KLHDC1: variants seen among roughly 807,000 people sequenced by gnomAD.
The protein encoded by KLHDC1 is kelch domain-containing protein 1.
KLHDC1 carries 53 observed loss-of-function variants against 68.3 expected under a neutral mutation model. The ratio of observed to expected loss-of-function variants is 0.78; its 90% CI spans 0.62 to 0.98. The LOEUF is 0.98. Among genes scored for constraint, KLHDC1 ranks in the 50% least tolerant of loss-of-function variants. The pLI, the probability that KLHDC1 is intolerant of heterozygous loss-of-function variation, is 0.00. For synonymous variants in KLHDC1, 148 were observed against 159.0 expected (o/e 0.93, Z 0.52); for missense variants, 470 against 492.3 (o/e 0.95, Z 0.43).
chr14:49,740,107 C>G lies in KLHDC1; in HGVS notation c.906C>G (p.His302Gln). The change falls in exon 11 of 13, where the codon CAC (histidine) becomes CAG (glutamine). Residue 302 changes from histidine (H) to glutamine (Q), a missense_variant. Physicochemically the swap from His to Gln is conservative, Grantham distance 24. Transcript: ENST00000359332. ...TAATTTTCAATCATAGGTTATGGCA[C>G]ACAGCCTGTTTGGGAAAAGAAAATG... Reference protein sequence around the residue: ...HLPKTRPRLWHTACLGKENEI... With the variant: ...HLPKTRPRLWQTACLGKENEI... 8 of 1,607,138 alleles carry G rather than the reference C, an allele frequency of 5.0e-6. No homozygotes were observed. Among genetic ancestry groups the G allele is most frequent in the Non-Finnish European group, 6.8e-6 (8 of 1,174,128 alleles).
rs532650134 is a variant in KLHDC1, at chr14:49,711,696, C to T, written c.404+1315C>T. 2.6e-5 allele frequency among the ~76,000 whole-genome samples: 4 copies of T among 152,110 alleles called. No homozygotes were observed. The East Asian group carries it at 7.7e-4, about 29-fold the overall frequency. On this transcript the variant is annotated intron_variant, in intron 4 of 12. Coordinates refer to ENST00000359332, the MANE Select transcript of KLHDC1 (RefSeq NM_172193.3). ...TCCTCATATTTTCTGGCCATCAACTCTGTTATTTGAGTTCTTATATTTTTG... is the reference window on the plus strand; with the variant it reads ...TCCTCATATTTTCTGGCCATCAACTTTGTTATTTGAGTTCTTATATTTTTG...
At chr14:49,727,461 C>G (rs570308390) in intron 6 of KLHDC1, among the ~76,000 whole-genome samples, 2 of 152,244 alleles carry the variant, frequency 1.3e-5, no homozygotes, top group African/African-American at 4.8e-5. Flanking sequence ...CAGTTACATA[C>G]ATGTCTACTA....
At chr14:49,720,184 C>A (rs1256550871) in intron 4 of KLHDC1, among the ~76,000 whole-genome samples, 5 of 152,226 alleles carry the variant, frequency 3.3e-5, no homozygotes, top group South Asian at 2.1e-4. Context: ...TGGGGTTTCT[C>A]CATGTTGGTC....
intron 1 of KLHDC1, among the ~76,000 whole-genome samples, chr14:49,704,436 C>G (rs1887995004): frequency 7.2e-6 from 1 of 139,058 alleles, no homozygotes; most frequent in South Asian, 2.4e-4. Flanking sequence ...CTTTGTCGCC[C>G]CGGCTGGAGT....
intron 4 of KLHDC1, among the ~76,000 whole-genome samples, chr14:49,718,846 C>T (rs1888451425): frequency 2.4e-5 from 3 of 124,520 alleles, no homozygotes; most frequent in Non-Finnish European, 4.7e-5. Context: ...AGTGCAGTGG[C>T]GCGATCCTAG....
chr14:49,737,515 A>G (rs530382350), intron 10 of KLHDC1, among the ~76,000 whole-genome samples: 86 of 152,156 alleles, frequency 5.7e-4, no homozygotes, highest in Non-Finnish European at 1.1e-3. Flanking sequence ...TAATAAAATA[A>G]GTTATGATTT....
intron 10 of KLHDC1, among the ~76,000 whole-genome samples, chr14:49,738,871 G>A (rs1039378960): frequency 6.6e-6 from 1 of 152,154 alleles, no homozygotes; most frequent in South Asian, 2.1e-4. Flanking sequence ...AGCTTCCAAC[G>A]TGATGTCACT....
chr14:49,706,928 T>C (rs1888064903), intron 1 of KLHDC1, among the ~76,000 whole-genome samples: 1 of 152,068 alleles, frequency 6.6e-6, no homozygotes. Context: ...TCCCATTCTG[T>C]AGGTTGTCAT....
At chr14:49,744,860 T>C (rs8003355) in intron 12 of KLHDC1, among the ~76,000 whole-genome samples, 136,306 of 152,154 alleles carry the variant, frequency 0.9, 62,951 homozygotes, top group South Asian at 1. Context: ...CATACACAGA[T>C]ATTTAATATA....
chr14:49,732,422 C>T (rs1194048643), intron 8 of KLHDC1, among the ~76,000 whole-genome samples: 2 of 152,208 alleles, frequency 1.3e-5, no homozygotes, highest in African/African-American at 4.8e-5. Flanking sequence ...ATCCACCCGC[C>T]TTGACCTCCC....
intron 10 of KLHDC1, among the ~76,000 whole-genome samples, chr14:49,737,567 T>G (rs895636535): frequency 6.6e-6 from 1 of 151,836 alleles, no homozygotes; most frequent in African/African-American, 2.4e-5. Flanking sequence ...GTTGGTATAT[T>G]AAGAAAAGTA....
chr14:49,738,028 G>GT (rs1888972673), intron 10 of KLHDC1, among the ~76,000 whole-genome samples: 1 of 151,732 alleles, frequency 6.6e-6, no homozygotes. Context: ...TAGTATTTGG[G>GT]TTTTTTTGTT....
intron 8 of KLHDC1, 130 bp from the exon 9 acceptor site, chr14:49,732,574 C>T (rs895058047): frequency 2.1e-6 from 1 of 470,454 alleles, no homozygotes; most frequent in Non-Finnish European, 3.7e-6. Context: ...TTCAAATATT[C>T]ATGTAGGTGG....
At chr14:49,725,849 T>C (rs1888658732) in intron 6 of KLHDC1, 80 bp downstream of exon 6, 1 of 737,128 alleles carries the variant, frequency 1.4e-6, no homozygotes, top group Non-Finnish European at 2.2e-6. Flanking sequence ...TTTTTTTTTG[T>C]TTTGTTTTGT....
intron 4 of KLHDC1, among the ~76,000 whole-genome samples, chr14:49,717,013 C>T (rs577540206): frequency 1.1e-4 from 16 of 152,234 alleles, no homozygotes; most frequent in Admixed American, 2.0e-4. Context: ...CTTAACATAA[C>T]GTTTTCAAGG....
chr14:49,733,142 G>A (rs970858651), intron 9 of KLHDC1, among the ~76,000 whole-genome samples: 2 of 152,084 alleles, frequency 1.3e-5, no homozygotes, highest in South Asian at 2.1e-4. Context: ...TGCACTGTTC[G>A]CTTTTGCTGT....
intron 12 of KLHDC1, among the ~76,000 whole-genome samples, chr14:49,747,031 C>T (rs573126406): frequency 3.3e-5 from 5 of 151,522 alleles, no homozygotes; most frequent in African/African-American, 9.7e-5. Flanking sequence ...ACTGCAAGCT[C>T]CACCTCCCGG....
intron 1 of KLHDC1, among the ~76,000 whole-genome samples, chr14:49,694,044 G>T (rs561710170): frequency 1.3e-5 from 2 of 152,140 alleles, no homozygotes; most frequent in Admixed American, 6.5e-5. Flanking sequence ...TAGCCACTGT[G>T]CCTGGCTTGC....
At chr14:49,716,441 T>C (rs1314891454) in intron 4 of KLHDC1, among the ~76,000 whole-genome samples, 1 of 151,780 alleles carries the variant, frequency 6.6e-6, no homozygotes, top group Non-Finnish European at 1.5e-5. Flanking sequence ...TGGAGTGCAA[T>C]GGCGTGGTCT....
Sources: allele counts gnomAD v4.1 joint callset (sites outside exome capture counted in the v4.1 genomes callset), GRCh38; gene constraint gnomAD v4.1.1; transcripts MANE v1.5; gene names NCBI Gene and HGNC (gene_info 2026-07-23, HGNC 2026-07-21).